The following DCC variants were observed in gnomAD, a reference collection of about 807,000 sequenced individuals.
DCC encodes the protein netrin receptor DCC.
In DCC, 58 loss-of-function variants were observed where a neutral mutation model predicts 172.5. The ratio of observed to expected loss-of-function variants is 0.34; its 90% CI spans 0.27 to 0.42. The LOEUF (loss-of-function observed/expected upper bound fraction) is 0.42, where lower values mean the gene tolerates loss of function less well. Ranked by LOEUF, DCC falls within the 10% of genes least tolerant of loss-of-function variation. DCC has a pLI of 1.00. For missense variants in DCC, 1,740 were observed against 1,791.0 expected (o/e 0.97, Z 0.51); for synonymous variants, 709 against 644.5 (o/e 1.10, Z -1.52).
intron 15 of DCC, among the ~76,000 whole-genome samples, chr18:53,377,214 A>G (rs549895458): frequency 6.6e-6 from 1 of 152,312 alleles, no homozygotes; most frequent in East Asian, 1.9e-4. Context: ...AGACTGGGTA[A>G]TTTACAAAGA....
intron 1 of DCC, among the ~76,000 whole-genome samples, chr18:52,632,689 A>T (rs986946353): frequency 1.3e-5 from 2 of 152,200 alleles, no homozygotes; most frequent in African/African-American, 4.8e-5. Context: ...CATTCTGATC[A>T]TGAGCATTCC....
intron 1 of DCC, among the ~76,000 whole-genome samples, chr18:52,598,058 G>A (rs2033943160): frequency 6.6e-6 from 1 of 152,126 alleles, no homozygotes; most frequent in South Asian, 2.1e-4. Flanking sequence ...GTACACTTTG[G>A]AGTCAGTAAA....
At chr18:53,207,889 A>G (rs965827526) in intron 11 of DCC, 72 bp downstream of exon 11, 1 of 1,307,594 alleles carries the variant, frequency 7.6e-7, no homozygotes, top group Non-Finnish European at 1.1e-6. Context: ...GATATTGCAC[A>G]TATATCATAT....
At chr18:52,732,893 A>C (rs1366772368) in intron 1 of DCC, among the ~76,000 whole-genome samples, 1 of 152,186 alleles carries the variant, frequency 6.6e-6, no homozygotes, top group East Asian at 1.9e-4. Context: ...TTTATCTAGT[A>C]GTTACGTTCA....
At chr18:52,467,016 G>T (rs1988803944) in intron 1 of DCC, among the ~76,000 whole-genome samples, 1 of 150,042 alleles carries the variant, frequency 6.7e-6, no homozygotes, top group South Asian at 2.1e-4. Flanking sequence ...TCTTTGTGTG[G>T]TTCTTCTTGC....
At chr18:53,169,760 C>G (rs939784601) in intron 8 of DCC, among the ~76,000 whole-genome samples, 1 of 152,020 alleles carries the variant, frequency 6.6e-6, no homozygotes, top group Admixed American at 6.6e-5. Flanking sequence ...ACAAGTTTAC[C>G]CAAAAATTGG....
chr18:52,950,187 C>T (rs2040613755), intron 5 of DCC, among the ~76,000 whole-genome samples: 1 of 152,170 alleles, frequency 6.6e-6, no homozygotes, highest in Non-Finnish European at 1.5e-5. Context: ...CCTGATTCAT[C>T]AAGTTATCCC....
chr18:52,577,638 TC>T (rs1307032424), intron 1 of DCC, among the ~76,000 whole-genome samples: 1 of 152,122 alleles, frequency 6.6e-6, no homozygotes, highest in Non-Finnish European at 1.5e-5. Context: ...TCATCTCCCC[TC>T]CCCACTTAGA....
chr18:52,471,744 A>G (rs1206936580), intron 1 of DCC, among the ~76,000 whole-genome samples: 2 of 152,222 alleles, frequency 1.3e-5, no homozygotes, highest in Non-Finnish European at 2.9e-5. Flanking sequence ...CTGCAATCAG[A>G]TAAGCCTTAC....
chr18:52,534,254 A>C (rs2032229384), intron 1 of DCC, among the ~76,000 whole-genome samples: 1 of 152,202 alleles, frequency 6.6e-6, no homozygotes, highest in South Asian at 2.1e-4. Flanking sequence ...GTTACATAAC[A>C]ACTCTAAGAT....
At chr18:53,217,570 T>C (rs1284859998) in intron 12 of DCC, among the ~76,000 whole-genome samples, 2 of 152,158 alleles carry the variant, frequency 1.3e-5, no homozygotes, top group Admixed American at 6.6e-5. Context: ...TTATGAATTA[T>C]AAATTTTTAT....
At chr18:53,234,444 T>A (rs554609091) in intron 12 of DCC, among the ~76,000 whole-genome samples, 127 of 151,692 alleles carry the variant, frequency 8.4e-4, no homozygotes, top group Middle Eastern at 3.4e-3. Context: ...AAAAAATAAA[T>A]AAATAAATAA....
intron 2 of DCC, among the ~76,000 whole-genome samples, chr18:52,781,300 C>T (rs9950856): frequency 2.0e-5 from 3 of 151,944 alleles, no homozygotes; most frequent in Admixed American, 2.0e-4. Context: ...CAGAATAGTG[C>T]GGGAAGATCA....
intron 2 of DCC, among the ~76,000 whole-genome samples, chr18:52,807,168 C>A (rs531667833): frequency 3.3e-5 from 5 of 152,134 alleles, no homozygotes; most frequent in African/African-American, 1.2e-4. Flanking sequence ...GCACTCCAGC[C>A]TGGTGACAGA....
At chr18:52,496,816 A>G (rs2030770744) in intron 1 of DCC, among the ~76,000 whole-genome samples, 1 of 152,092 alleles carries the variant, frequency 6.6e-6, no homozygotes, top group Admixed American at 6.6e-5. Flanking sequence ...CTCAATATTT[A>G]CTTTTAGATG....
intron 1 of DCC, among the ~76,000 whole-genome samples, chr18:52,386,511 T>C (rs1985806025): frequency 6.6e-6 from 1 of 152,090 alleles, no homozygotes; most frequent in Non-Finnish European, 1.5e-5. Flanking sequence ...AATAGGCCTT[T>C]TGTGAGCATA....
chr18:53,260,901 C>A lies in DCC; in HGVS notation c.1912-44677C>A, dbSNP rs571893123. Among the ~76,000 whole-genome samples the A allele has an allele frequency of 1.4e-4, 22 of 152,218 alleles. No homozygotes were observed. In the South Asian group the frequency reaches 4.1e-3, roughly 29 times the overall value. The stretch of plus-strand genomic sequence containing the variant: ...GTTTACCTACTCAAGCCTCAGCAAT[C>A]GTAGGCACCCCTCCCCCAGCCTCGC... On this transcript the variant is annotated intron_variant, in intron 12 of 28. Coordinates refer to ENST00000442544, the MANE Select transcript of DCC (RefSeq NM_005215.4).
At chr18:53,002,360 C>T (rs531972425) in intron 5 of DCC, among the ~76,000 whole-genome samples, 1 of 152,048 alleles carries the variant, frequency 6.6e-6, no homozygotes. Flanking sequence ...TATAAATGCC[C>T]CTGACAATAC....
chr18:53,179,016 C>T lies in DCC; in HGVS notation c.1473C>T (p.Asn491=), dbSNP rs762136078. The change falls in exon 9 of 29, where the codon AAC becomes AAT. Residue 491 remains asparagine, a synonymous_variant. Coordinates refer to ENST00000442544, the MANE Select transcript of DCC (RefSeq NM_005215.4). The part of the protein sequence containing the change: ...QPGSLQLTVG[N]LKPEAMYTFR... ...GGTCCCTTCAGCTCACTGTGGGAAA[C>T]CTGAAGCCAGAAGCCATGTACACCT... 6.2e-7 allele frequency: 1 copy of T among 1,614,048 alleles called. No individual in the cohort carries two copies. The highest frequency in any genetic ancestry group is 1.1e-5 in the South Asian group (1 of 91,086).
Sources: allele counts gnomAD v4.1 joint callset (sites outside exome capture counted in the v4.1 genomes callset), GRCh38; gene constraint gnomAD v4.1.1; transcripts MANE v1.5; gene names NCBI Gene and HGNC (gene_info 2026-07-23, HGNC 2026-07-21).